Variants in FAM204A observed in about 807,000 individuals in gnomAD.
FAM204A encodes the protein family with sequence similarity 204 member A, also known as protein FAM204A.
A neutral mutation model predicts 35.4 loss-of-function variants in FAM204A; 16 were observed. The ratio of observed to expected loss-of-function variants is 0.45; its 90% CI spans 0.31 to 0.69. The LOEUF (loss-of-function observed/expected upper bound fraction) is 0.69, where lower values mean the gene tolerates loss of function less well. Ranked by LOEUF, FAM204A falls within the 30% of genes least tolerant of loss-of-function variation. The probability of loss-of-function intolerance (pLI) is 0.07; values close to 1 mark genes in which losing one functional copy is unlikely to be tolerated. For synonymous variants in FAM204A, 76 were observed against 86.9 expected, an observed-to-expected ratio of 0.88 and a Z score of 0.70; for missense variants, 240 against 265.7, an observed-to-expected ratio of 0.90 and a Z score of 0.67.
chr10:118,322,493 C>G (rs1344324841), intron 7 of FAM204A: 1 of 394,866 alleles, frequency 2.5e-6, no homozygotes, highest in African/African-American at 2.1e-5. Context: ...TACAAAGTAA[C>G]TGGCCTCTTC....
In FAM204A at chr10:118,309,132, T is replaced by C. The variant is rs1373629143; in HGVS notation, c.*1725A>G. On this transcript the variant is annotated 3_prime_UTR_variant, in exon 9 of 9. Coordinates refer to ENST00000369183, the MANE Select transcript of FAM204A (RefSeq NM_022063.3). ...TGTAGGTAAGTTTTACATGATCATA[T>C]CTGTAAAATGGAACAAGGGATATTA... 1 of 152,224 alleles carries C rather than the reference T, an allele frequency of 6.6e-6. No individual in the cohort carries two copies. The highest frequency in any genetic ancestry group is 1.5e-5 in the Non-Finnish European group (1 of 68,048). 9.4% of individuals were successfully genotyped at this position (152,224 alleles called of 1,614,324 possible). A position where few individuals can be genotyped will look rare whatever the true frequency, so the allele number is the denominator to read the frequency against.
intron 7 of FAM204A, among the ~76,000 whole-genome samples, chr10:118,322,917 T>A (rs1027073694): frequency 6.6e-6 from 1 of 152,116 alleles, no homozygotes; most frequent in Admixed American, 6.6e-5. Flanking sequence ...GAATTCCCCT[T>A]GTTTCAGATG....
In FAM204A at chr10:118,310,777, G is replaced by T; in HGVS notation, c.*80C>A. 3.3e-6 allele frequency: 4 copies of T among 1,210,972 alleles called. No homozygotes were observed. Among genetic ancestry groups the T allele is most frequent in the South Asian group, 2.7e-5 (2 of 74,990 alleles). 75.0% of individuals were successfully genotyped at this position (1,210,972 alleles called of 1,614,324 possible). On this transcript the variant is annotated 3_prime_UTR_variant, in exon 9 of 9. Coordinates refer to ENST00000369183, the MANE Select transcript of FAM204A (RefSeq NM_022063.3). Reference sequence around the variant, plus strand: ...TTTGTTTTAGTGCTATCAATTTTCTGACATATTAACATAGGCAGGAAAACA... The same window carrying T: ...TTTGTTTTAGTGCTATCAATTTTCTTACATATTAACATAGGCAGGAAAACA...
intron 6 of FAM204A, among the ~76,000 whole-genome samples, chr10:118,327,530 C>G (rs78985770): frequency 6.6e-6 from 1 of 152,172 alleles, no homozygotes; most frequent in Non-Finnish European, 1.5e-5. Context: ...CTAATGCTCA[C>G]CACTCATTCT....
intron 7 of FAM204A, 43 bp downstream of exon 7, chr10:118,326,111 G>C (rs545936303): frequency 6.8e-7 from 1 of 1,463,710 alleles, no homozygotes; most frequent in Admixed American, 1.9e-5. Flanking sequence ...ATTTATTCTA[G>C]AAAATTTGAA....
Position 118,335,159 on chromosome 10 carries a change from G to C in FAM204A, c.408C>G (p.Val136=), listed in dbSNP as rs760648947. 1.7e-5 allele frequency: 28 copies of C among 1,613,244 alleles called. No individual in the cohort carries two copies. The highest frequency in any genetic ancestry group is 1.7e-4 in the Admixed American group (10 of 59,912). Reference sequence around the variant, plus strand: ...TAACAGGCGGGTCAAATCTATCATTGACTCCAAAATACTGAGTAAGCTCTT... The same window carrying C: ...TAACAGGCGGGTCAAATCTATCATTCACTCCAAAATACTGAGTAAGCTCTT... ...QWKELTQYFG[V]NDRFDPPVKR... Residue 136 remains valine, a synonymous_variant, in exon 6 of 9, where the codon GTC becomes GTG. Transcript: ENST00000369183.
rs1351510495 is a variant in FAM204A at position 118,305,996 on chromosome 10, T to C, written c.*4861A>G. On this transcript the variant is annotated 3_prime_UTR_variant, in exon 9 of 9. Transcript: ENST00000369183. ...CATTCAGCCTGAAGATGAAGTGATA[T>C]ATTGACTTCTTGATCAAATGCCAGA... The C allele has an allele frequency of 2.0e-5, 3 of 152,276 alleles. No homozygotes were observed. The highest frequency in any genetic ancestry group is 7.2e-5 in the African/African-American group (3 of 41,480). 9.4% of individuals were successfully genotyped at this position (152,276 alleles called of 1,614,324 possible).
intron 7 of FAM204A, among the ~76,000 whole-genome samples, chr10:118,324,288 T>C (rs1846164608): frequency 6.6e-6 from 1 of 152,106 alleles, no homozygotes; most frequent in African/African-American, 2.4e-5. Context: ...TAAAAATACT[T>C]TGTGATCTAT....
chr10:118,335,738 T>C (rs934007669), intron 3 of FAM204A, 97 bp from the exon 4 acceptor site: 5 of 903,114 alleles, frequency 5.5e-6, no homozygotes. Flanking sequence ...TATTTCAGCG[T>C]GTATAAAGAT....
At chr10:118,312,594 G>C (rs572993989) in intron 7 of FAM204A, among the ~76,000 whole-genome samples, 7 of 152,254 alleles carry the variant, frequency 4.6e-5, no homozygotes, top group Non-Finnish European at 1.0e-4. Flanking sequence ...GTACAGTTAA[G>C]AACATATATA....
intron 7 of FAM204A, among the ~76,000 whole-genome samples, chr10:118,324,392 G>A (rs769936537): frequency 3.0e-4 from 46 of 152,148 alleles, no homozygotes; most frequent in Admixed American, 7.9e-4. Context: ...AGCATTATTC[G>A]TAATGGTCAG....
At chr10:118,322,475 G>A in intron 7 of FAM204A, 3 of 436,272 alleles carry the variant, frequency 6.9e-6, no homozygotes, top group South Asian at 3.2e-5. Flanking sequence ...AAATTATAAG[G>A]GACATGCTAC....
chr10:118,323,286 G>GA (rs1443072021), intron 7 of FAM204A, among the ~76,000 whole-genome samples: 1 of 152,048 alleles, frequency 6.6e-6, no homozygotes, highest in Non-Finnish European at 1.5e-5. Context: ...TTTTTCTTAT[G>GA]TGCCTGTCTT....
rs1283700155 is a variant in FAM204A, at chr10:118,307,304, T to C, written c.*3553A>G. On this transcript the variant is annotated 3_prime_UTR_variant, in exon 9 of 9. Coordinates refer to ENST00000369183, the MANE Select transcript of FAM204A (RefSeq NM_022063.3). ...TGTACATATTTTGTCCAAATATTAC[T>C]ATTTGTTTCATGAAAGTCAGAGCTA... 1.3e-5 allele frequency: 2 copies of C among 152,252 alleles called. No individual in the cohort carries two copies. The highest frequency in any genetic ancestry group is 2.9e-5 in the Non-Finnish European group (2 of 68,046). 9.4% of individuals were successfully genotyped at this position (152,252 alleles called of 1,614,324 possible). A position where few individuals can be genotyped will look rare whatever the true frequency, so the allele number is the denominator to read the frequency against.
At chr10:118,336,672 C>T (rs771526514) in intron 2 of FAM204A, among the ~76,000 whole-genome samples, 2 of 151,754 alleles carry the variant, frequency 1.3e-5, no homozygotes, top group South Asian at 2.1e-4. Context: ...ACAACATACA[C>T]CTACAGGTAA....
intron 6 of FAM204A, among the ~76,000 whole-genome samples, chr10:118,332,218 G>C (rs541585660): frequency 1.1e-4 from 15 of 131,152 alleles, no homozygotes; most frequent in African/African-American, 4.2e-4. Flanking sequence ...TAAAAACCAG[G>C]TTCAGAAAAA....
chr10:118,322,442 A>T (rs1324024786), intron 7 of FAM204A: 2 of 453,666 alleles, frequency 4.4e-6, no homozygotes, highest in Admixed American at 2.4e-5. Flanking sequence ...AAAACTAATC[A>T]TGAGGAAACA....
chr10:118,317,004 C>T (rs1450967457), intron 7 of FAM204A, among the ~76,000 whole-genome samples: 1 of 152,006 alleles, frequency 6.6e-6, no homozygotes, highest in African/African-American at 2.4e-5. Context: ...TACACAGCCC[C>T]CATAAGAAAG....
intron 7 of FAM204A, among the ~76,000 whole-genome samples, chr10:118,320,108 G>A (rs1422449053): frequency 2.6e-5 from 4 of 151,800 alleles, no homozygotes; most frequent in Non-Finnish European, 4.4e-5. Flanking sequence ...TCTATAGCAG[G>A]CTAACATGAA....
Sources: gnomAD v4.1 joint callset for allele counts (sites outside exome capture counted in the v4.1 genomes callset) on GRCh38, gnomAD v4.1.1 for gene constraint, MANE v1.5 for transcripts, NCBI Gene and HGNC (gene_info 2026-07-23, HGNC 2026-07-21) for gene names.